TMCC1: variants seen among roughly 807,000 people sequenced by gnomAD.
TMCC1 encodes transmembrane and coiled-coil domains protein 1.
Under a neutral mutation model 52.4 loss-of-function variants are expected in TMCC1, and 15 were observed. The observed-to-expected ratio is 0.29, with a 90% CI of 0.19 to 0.44. The LOEUF (loss-of-function observed/expected upper bound fraction) is 0.44, where lower values mean the gene tolerates loss of function less well. TMCC1 is among the 20% of genes least tolerant of loss of function. TMCC1 has a pLI of 1.00. For synonymous variants in TMCC1, 279 were observed against 301.9 expected (o/e 0.92, Z 0.79); for missense variants, 503 against 806.0 (o/e 0.62, Z 4.55).
At chr3:129,677,004 C>T (rs1202761391) in intron 4 of TMCC1, among the ~76,000 whole-genome samples, 1 of 151,988 alleles carries the variant, frequency 6.6e-6, no homozygotes, top group Non-Finnish European at 1.5e-5. Flanking sequence ...TGGCTCATGC[C>T]TCTAATCCCA....
chr3:129,688,913 A>T (rs1032152231), intron 4 of TMCC1, among the ~76,000 whole-genome samples: 1 of 152,250 alleles, frequency 6.6e-6, no homozygotes, highest in Admixed American at 6.5e-5. Flanking sequence ...GAATCGCTTA[A>T]AGAAGATTAA....
chr3:129,885,353 A>G (rs990557526), intron 1 of TMCC1, among the ~76,000 whole-genome samples: 1 of 151,312 alleles, frequency 6.6e-6, no homozygotes, highest in Non-Finnish European at 1.5e-5. Flanking sequence ...CAGGTGTTGA[A>G]GTAGAAAAAG....
chr3:129,669,852 C>T (rs777203078), intron 5 of TMCC1, among the ~76,000 whole-genome samples: 1 of 152,204 alleles, frequency 6.6e-6, no homozygotes, highest in Non-Finnish European at 1.5e-5. Context: ...AGTCCACTCT[C>T]ATTCAAACAC....
chr3:129,673,098 A>G (rs1255414333), intron 4 of TMCC1, among the ~76,000 whole-genome samples: 1 of 152,206 alleles, frequency 6.6e-6, no homozygotes, highest in Non-Finnish European at 1.5e-5. Flanking sequence ...AACGTTATGC[A>G]CCACTAGTGA....
chr3:129,713,269 G>A (rs72977272), intron 4 of TMCC1, among the ~76,000 whole-genome samples: 7 of 152,140 alleles, frequency 4.6e-5, no homozygotes, highest in Admixed American at 2.6e-4. Context: ...TCTAAAACTC[G>A]TAGGTAATCT....
intron 4 of TMCC1, among the ~76,000 whole-genome samples, chr3:129,689,678 C>T (rs1015302250): frequency 2.0e-5 from 3 of 152,140 alleles, no homozygotes; most frequent in African/African-American, 4.8e-5. Context: ...TCACCAGCTG[C>T]GTTTAACATC....
intron 4 of TMCC1, among the ~76,000 whole-genome samples, chr3:129,778,042 C>T (rs530124763): frequency 3.3e-5 from 5 of 152,250 alleles, no homozygotes; most frequent in Non-Finnish European, 7.4e-5. Context: ...TGATATCTTC[C>T]GGCCAAAGGA....
intron 2 of TMCC1, among the ~76,000 whole-genome samples, chr3:129,868,461 T>TA (rs1250578977): frequency 6.6e-6 from 1 of 152,194 alleles, no homozygotes; most frequent in East Asian, 1.9e-4. Flanking sequence ...TTTTTTGAGA[T>TA]AGAGTCTTGC....
chr3:129,768,385 A>T (rs1196515215), intron 4 of TMCC1, among the ~76,000 whole-genome samples: 1 of 152,176 alleles, frequency 6.6e-6, no homozygotes, highest in Non-Finnish European at 1.5e-5. Flanking sequence ...AGAAATAAAG[A>T]TCTTAATATG....
At chr3:129,706,736 C>A (rs1560231949) in intron 4 of TMCC1, among the ~76,000 whole-genome samples, 1 of 152,136 alleles carries the variant, frequency 6.6e-6, no homozygotes, top group African/African-American at 2.4e-5. Flanking sequence ...TGAAATTGTT[C>A]ATAAAATAAG....
intron 4 of TMCC1, among the ~76,000 whole-genome samples, chr3:129,809,979 G>C (rs1181752287): frequency 6.6e-6 from 1 of 152,140 alleles, no homozygotes; most frequent in Non-Finnish European, 1.5e-5. Context: ...AACAACATGT[G>C]AAAGTCAAAC....
chr3:129,814,012 GGTAA>G (rs1170574064), intron 4 of TMCC1, among the ~76,000 whole-genome samples: 1 of 150,678 alleles, frequency 6.6e-6, no homozygotes, highest in Non-Finnish European at 1.5e-5. Context: ...AATAAAGCAG[GGTAA>G]GTGATAAAAG....
At chr3:129,794,928 AGG>A (rs1303097395) in intron 4 of TMCC1, among the ~76,000 whole-genome samples, 1 of 152,100 alleles carries the variant, frequency 6.6e-6, no homozygotes, top group Non-Finnish European at 1.5e-5. Context: ...GTGAAAAAAA[AGG>A]AGGTGGTGAA....
chr3:129,770,419 G>C (rs1405956592), intron 4 of TMCC1, among the ~76,000 whole-genome samples: 2 of 152,062 alleles, frequency 1.3e-5, no homozygotes, highest in African/African-American at 4.8e-5. Flanking sequence ...AGGAGGCTGA[G>C]ATAGGAAGAT....
chr3:129,798,001 C>CT (rs1164349474), intron 4 of TMCC1, among the ~76,000 whole-genome samples: 236 of 88,476 alleles, frequency 2.7e-3, no homozygotes, highest in South Asian at 4.1e-3. Flanking sequence ...TTTTTTTTTT[C>CT]TTTTTTTTTT....
chr3:129,724,932 G>T (rs550261546), intron 4 of TMCC1, among the ~76,000 whole-genome samples: 29 of 152,210 alleles, frequency 1.9e-4, no homozygotes, highest in Non-Finnish European at 2.9e-4. Context: ...GATAAGGAGG[G>T]ATAAGGAATA....
At chr3:129,691,318 G>A (rs1172685073) in intron 4 of TMCC1, among the ~76,000 whole-genome samples, 1 of 152,200 alleles carries the variant, frequency 6.6e-6, no homozygotes, top group Non-Finnish European at 1.5e-5. Flanking sequence ...GAAGGCTGAG[G>A]TGGGCAGATC....
intron 4 of TMCC1, among the ~76,000 whole-genome samples, chr3:129,726,145 AGAG>A (rs895843608): frequency 4.6e-5 from 7 of 152,352 alleles, no homozygotes; most frequent in African/African-American, 1.7e-4. Context: ...CCTTATCTGT[AGAG>A]GAGAAGTAGG....
intron 4 of TMCC1, among the ~76,000 whole-genome samples, chr3:129,785,928 A>AC (rs1185182874): frequency 1.1e-3 from 94 of 87,752 alleles, no homozygotes; most frequent in East Asian, 7.4e-3. Context: ...ACTTACCCTC[A>AC]CCCCCTTTTT....
Sources: allele counts gnomAD v4.1 joint callset (sites outside exome capture counted in the v4.1 genomes callset), GRCh38; gene constraint gnomAD v4.1.1; transcripts MANE v1.5; gene names NCBI Gene and HGNC (gene_info 2026-07-23, HGNC 2026-07-21).